The following XRCC4 variants were observed in gnomAD, a reference collection of about 807,000 sequenced individuals.
XRCC4 encodes DNA repair protein XRCC4.
In XRCC4, 28 loss-of-function variants were observed where a neutral mutation model predicts 39.1. The observed-to-expected ratio is 0.72, with a 90% CI of 0.53 to 0.98. XRCC4 has a LOEUF of 0.98. XRCC4 is among the 50% of genes least tolerant of loss of function. The pLI, the probability that XRCC4 is intolerant of heterozygous loss-of-function variation, is 0.00. For missense variants in XRCC4, 350 were observed against 376.4 expected (o/e 0.93, Z 0.58); for synonymous variants, 123 against 126.4 (o/e 0.97, Z 0.18).
At chr5:83,114,482 A>AG (rs1746612426) in intron 3 of XRCC4, among the ~76,000 whole-genome samples, 1 of 152,220 alleles carries the variant, frequency 6.6e-6, no homozygotes, top group South Asian at 2.1e-4. Context: ...TCTCTGGGGA[A>AG]GGGGCAAAAT....
intron 7 of XRCC4, among the ~76,000 whole-genome samples, chr5:83,344,315 CA>C (rs1295709652): frequency 2.0e-5 from 3 of 151,884 alleles, no homozygotes; most frequent in Non-Finnish European, 4.4e-5. Context: ...TAGTTCACTG[CA>C]TCCTCAAACT....
At chr5:83,235,434 T>C (rs1390741830) in intron 6 of XRCC4, among the ~76,000 whole-genome samples, 3 of 151,524 alleles carry the variant, frequency 2.0e-5, no homozygotes, top group East Asian at 3.9e-4. Context: ...AAATGTGGTA[T>C]GTTGTATCAA....
At chr5:83,170,941 T>G (rs890158338) in intron 3 of XRCC4, among the ~76,000 whole-genome samples, 12 of 152,140 alleles carry the variant, frequency 7.9e-5, no homozygotes, top group African/African-American at 2.9e-4. Flanking sequence ...TTCTTCCACT[T>G]TCTTTTCTAT....
intron 7 of XRCC4, among the ~76,000 whole-genome samples, chr5:83,303,558 C>T (rs1370631989): frequency 2.0e-5 from 3 of 151,900 alleles, no homozygotes; most frequent in Non-Finnish European, 4.4e-5. Context: ...TACAATTCTT[C>T]CAAATTGTAA....
intron 3 of XRCC4, among the ~76,000 whole-genome samples, chr5:83,164,683 C>G (rs728428): frequency 0.26 from 40,180 of 151,926 alleles, 5,593 homozygotes; most frequent in Non-Finnish European, 0.31. Context: ...TGTTGTACAA[C>G]TTAAATGTAT....
chr5:83,094,023 G>A (rs1745553825), intron 1 of XRCC4, among the ~76,000 whole-genome samples: 1 of 151,858 alleles, frequency 6.6e-6, no homozygotes, highest in South Asian at 2.1e-4. Context: ...ATTATCTTTT[G>A]CTGTTTTCAG....
rs28360316 is a variant in XRCC4, at chr5:83,322,811, G to T, written c.894-30320G>T. Among the ~76,000 whole-genome samples the T allele has an allele frequency of 3.3e-3, 500 of 152,256 alleles. 14 individuals carry two copies. In the East Asian group the frequency reaches 0.074, roughly 23 times the overall value. On this transcript the variant is annotated intron_variant, in intron 7 of 7. Transcript: ENST00000396027. ...AGATTCTCACCTAATGGCCTTGGAG[G>T]CAATGCAGCCCTGATGATACCTTGA...
chr5:83,348,207 G>C (rs1756975185), intron 7 of XRCC4, among the ~76,000 whole-genome samples: 1 of 151,892 alleles, frequency 6.6e-6, no homozygotes, highest in African/African-American at 2.4e-5. Flanking sequence ...GATGGTGGCT[G>C]TCTTCTCACA....
chr5:83,351,741 T>C (rs1271366722), intron 7 of XRCC4, among the ~76,000 whole-genome samples: 1 of 152,168 alleles, frequency 6.6e-6, no homozygotes, highest in Non-Finnish European at 1.5e-5. Flanking sequence ...ATTGGCTTGC[T>C]CAGAATAAGA....
intron 7 of XRCC4, among the ~76,000 whole-genome samples, chr5:83,263,486 C>T (rs1409072451): frequency 6.6e-6 from 1 of 150,392 alleles, no homozygotes; most frequent in Admixed American, 6.6e-5. Context: ...TCCTATTTCT[C>T]CACATCCTCT....
At chr5:83,343,166 C>A (rs1344552611) in intron 7 of XRCC4, among the ~76,000 whole-genome samples, 1 of 151,872 alleles carries the variant, frequency 6.6e-6, no homozygotes, top group Non-Finnish European at 1.5e-5. Flanking sequence ...CATCTTCATC[C>A]CTTGCCCCAT....
intron 3 of XRCC4, among the ~76,000 whole-genome samples, chr5:83,166,071 G>C (rs12519241): frequency 0.063 from 9,564 of 151,844 alleles, 1,000 homozygotes; most frequent in East Asian, 0.48. Context: ...ATTTTTAGTA[G>C]AGATGGGGTT....
chr5:83,157,386 TAG>T (rs1749013494), intron 3 of XRCC4, among the ~76,000 whole-genome samples: 1 of 152,034 alleles, frequency 6.6e-6, no homozygotes, highest in African/African-American at 2.4e-5. Context: ...ACTCTGTAAA[TAG>T]AGTTTATAAT....
At chr5:83,231,731 C>G (rs114181109) in intron 6 of XRCC4, among the ~76,000 whole-genome samples, 2,418 of 152,136 alleles carry the variant, frequency 0.016, 59 homozygotes, top group African/African-American at 0.054. Context: ...ATGGTTTATG[C>G]TAGTTGTTTG....
intron 3 of XRCC4, among the ~76,000 whole-genome samples, chr5:83,165,851 T>C (rs916496728): frequency 6.6e-6 from 1 of 151,890 alleles, no homozygotes; most frequent in Non-Finnish European, 1.5e-5. Context: ...ATGGTGTGTA[T>C]GTACCACATT....
intron 3 of XRCC4, among the ~76,000 whole-genome samples, chr5:83,185,421 A>ATT (rs1554062359): frequency 1.8e-5 from 2 of 111,508 alleles, no homozygotes; most frequent in Admixed American, 7.8e-5. Context: ...AAAAGTATGT[A>ATT]TTATATATAT....
chr5:83,374,378 A>C, the XRCC4 span, among the ~76,000 whole-genome samples: 1 of 152,184 alleles, frequency 6.6e-6, no homozygotes, highest in African/African-American at 2.4e-5. Context: ...GTTTACCGCC[A>C]GGTGAGACGT....
chr5:83,101,209 T>C (rs1038796338), intron 1 of XRCC4, among the ~76,000 whole-genome samples: 1 of 152,124 alleles, frequency 6.6e-6, no homozygotes, highest in African/African-American at 2.4e-5. Context: ...CTTTTTATAA[T>C]GTTTTCTCTT....
chr5:83,109,879 C>A (rs1746364594), intron 2 of XRCC4, among the ~76,000 whole-genome samples: 1 of 151,822 alleles, frequency 6.6e-6, no homozygotes, highest in Non-Finnish European at 1.5e-5. Context: ...ATAAAATAAT[C>A]TTTTAAAAAA....
Sources: allele counts gnomAD v4.1 joint callset (sites outside exome capture counted in the v4.1 genomes callset), GRCh38; gene constraint gnomAD v4.1.1; transcripts MANE v1.5; gene names NCBI Gene and HGNC (gene_info 2026-07-23, HGNC 2026-07-21).